The following SDK2 variants were observed in gnomAD, a reference collection of about 807,000 sequenced individuals.
The protein encoded by SDK2 is sidekick cell adhesion molecule 2.
SDK2 carries 105 observed loss-of-function variants against 253.9 expected under a neutral mutation model. The observed-to-expected ratio is 0.41, with a 90% CI of 0.35 to 0.49. The LOEUF (loss-of-function observed/expected upper bound fraction) is 0.49. Among genes scored for constraint, SDK2 ranks in the 20% least tolerant of loss-of-function variants. The probability of loss-of-function intolerance (pLI) is 0.06; values close to 1 mark genes in which losing one functional copy is unlikely to be tolerated. For missense variants in SDK2, 2,608 were observed against 3,003.0 expected (o/e 0.87, Z 3.07); for synonymous variants, 1,249 against 1,234.9 (o/e 1.01, Z -0.24).
Position 73,395,180 on chromosome 17 carries a change from C to A in SDK2, c.3567G>T (p.Thr1189=), listed in dbSNP as rs375688906. The change falls in exon 25 of 45, where the codon ACG becomes ACT. Residue 1189 remains threonine, a synonymous_variant. Coordinates refer to ENST00000392650, the MANE Select transcript of SDK2 (RefSeq NM_001144952.2). This position sits in a 1 kb window ranked among gnomAD's most constrained non-coding sequence, Gnocchi z 4.3. ...CTGACTCCCGGGTCCTGCCCACCAC[C>A]GTCTGGCTCCAGGGCCCGCTCCCGA... The part of the protein sequence containing the change: ...NAIGSGPWSQ[T]VVGRTRESVP... 3.7e-6 allele frequency: 6 copies of A among 1,603,364 alleles called. No individual in the cohort carries two copies. Among genetic ancestry groups the A allele is most frequent in the Non-Finnish European group, 5.1e-6 (6 of 1,175,974 alleles).
At chr17:73,545,145 A>G (rs2044939971) in intron 1 of SDK2, among the ~76,000 whole-genome samples, 1 of 150,228 alleles carries the variant, frequency 6.7e-6, no homozygotes, top group Admixed American at 6.6e-5. Flanking sequence ...GGCTCAAGGA[A>G]GAAGGCCACC....
chr17:73,601,776 CTT>C (rs999551891), intron 1 of SDK2, among the ~76,000 whole-genome samples: 3 of 151,852 alleles, frequency 2.0e-5, no homozygotes, highest in African/African-American at 4.8e-5. Flanking sequence ...CAGAGTCCTG[CTT>C]TTTCGCCCAG....
intron 44 of SDK2, among the ~76,000 whole-genome samples, chr17:73,341,761 G>A (rs927525676): frequency 6.6e-6 from 1 of 152,134 alleles, no homozygotes; most frequent in Non-Finnish European, 1.5e-5. Context: ...GATACATCTC[G>A]AGGGATGTAG....
rs1335442338 is a variant in SDK2 at position 73,419,730 on chromosome 17, C to CAAAAAA, written c.2046-430_2046-425dup. ...ACCAAAAAAAACAACAAAAAAAACC[C>CAAAAAA]AAAAAAACTCCCTCCTGGTGACTTG... On this transcript the variant is annotated intron_variant, in intron 15 of 44. Coordinates refer to ENST00000392650, the MANE Select transcript of SDK2 (RefSeq NM_001144952.2). 3.1e-4 allele frequency among the ~76,000 whole-genome samples: 8 copies of CAAAAAA among 25,944 alleles called. 1 individual carries two copies. Among genetic ancestry groups the CAAAAAA allele is most frequent in the Non-Finnish European group, 4.3e-4 (4 of 9,272 alleles). The allele number at this position is 25,944 out of a possible 152,430, so 17.0% of individuals were successfully genotyped here. A position where few individuals can be genotyped will look rare whatever the true frequency, so the allele number is the denominator to read the frequency against.
chr17:73,370,538 C>T (rs939129169), intron 36 of SDK2, among the ~76,000 whole-genome samples: 6 of 150,372 alleles, frequency 4.0e-5, no homozygotes, highest in Admixed American at 3.3e-4. Context: ...CCACTGTGCC[C>T]GGCCCTCTCT....
At position 73,541,772 on chromosome 17, in the gene SDK2, A is replaced by T. The variant is rs1279583393; in HGVS notation, c.65-34175T>A. ...CAGGAATGTGCAGACGTTGAATTAA[A>T]AGCAGCTTGGCACAAACAGAATCCG... On this transcript the variant is annotated intron_variant, in intron 1 of 44. Transcript: ENST00000392650. The surrounding 1 kb of genome is among the most constrained non-coding windows in gnomAD (Gnocchi z 4.3). Among the ~76,000 whole-genome samples the T allele has an allele frequency of 6.6e-6, 1 of 152,232 alleles. No homozygotes were observed. Among genetic ancestry groups the T allele is most frequent in the Non-Finnish European group, 1.5e-5 (1 of 68,042 alleles).
intron 3 of SDK2, 69 bp from the exon 4 acceptor site, chr17:73,456,122 G>A (rs1391966090): frequency 2.1e-6 from 3 of 1,410,582 alleles, no homozygotes; most frequent in East Asian, 2.7e-5. Flanking sequence ...CAGCTCCCAG[G>A]TTGGGAGTGG....
rs79592417 is a variant in SDK2, at chr17:73,626,545, A to G, written c.64+17480T>C. Among the ~76,000 whole-genome samples, 1,321 of 152,330 alleles carry G rather than the reference A, an allele frequency of 8.7e-3. 20 individuals carry two copies. Among genetic ancestry groups the G allele is most frequent in the African/African-American group, 0.03 (1,258 of 41,590 alleles). On this transcript the variant is annotated intron_variant, in intron 1 of 44. Coordinates refer to ENST00000392650, the MANE Select transcript of SDK2 (RefSeq NM_001144952.2). ...TGGCCTGCAAGTTCCAGCTCAGACA[A>G]GAGGCCTCCCTCCAGCTCCCCATCC...
At chr17:73,582,958 T>G (rs1341566760) in intron 1 of SDK2, among the ~76,000 whole-genome samples, 1 of 152,168 alleles carries the variant, frequency 6.6e-6, no homozygotes, top group Non-Finnish European at 1.5e-5. Flanking sequence ...CCCTCTAACG[T>G]GGCAAGTGCC....
At position 73,358,072 on chromosome 17, in the gene SDK2, G is replaced by A. The variant is rs200499035; in HGVS notation, c.5593+7C>T. 47 of 1,613,146 alleles carry A rather than the reference G, an allele frequency of 2.9e-5. 1 individual carries two copies. The African/African-American group carries it at 5.5e-4, about 19-fold the overall frequency. ...GTGGGGTCTCAGCCCAGCAGGGCGGGGCGCACCTGAAGGTCTGGCCTCGAT... is the reference window on the plus strand; with the variant it reads ...GTGGGGTCTCAGCCCAGCAGGGCGGAGCGCACCTGAAGGTCTGGCCTCGAT... On this transcript the variant is annotated splice_region_variant and intron_variant, in intron 40 of 44. Transcript: ENST00000392650.
At chr17:73,605,219 G>A (rs1309673028) in intron 1 of SDK2, among the ~76,000 whole-genome samples, 1 of 152,098 alleles carries the variant, frequency 6.6e-6, no homozygotes, top group African/African-American at 2.4e-5. Context: ...GTTGAGTGAA[G>A]GAAAGATGTA....
intron 12 of SDK2, among the ~76,000 whole-genome samples, chr17:73,428,996 G>A (rs940927391): frequency 6.6e-6 from 1 of 152,200 alleles, no homozygotes; most frequent in Non-Finnish European, 1.5e-5. Context: ...GAGTGGGTCT[G>A]CAGGTTACTT....
chr17:73,544,987 T>C (rs1599666097), intron 1 of SDK2, among the ~76,000 whole-genome samples: 1 of 147,350 alleles, frequency 6.8e-6, no homozygotes, highest in Non-Finnish European at 1.5e-5. Context: ...CAAGGCTCTT[T>C]CTTCCTTGGG....
chr17:73,552,750 G>C (rs1022486717), intron 1 of SDK2, among the ~76,000 whole-genome samples: 3 of 152,208 alleles, frequency 2.0e-5, no homozygotes, highest in African/African-American at 7.2e-5. Flanking sequence ...AATGGACCCC[G>C]CTGTAGGCTG....
chr17:73,585,674 G>T (rs552816178), intron 1 of SDK2, among the ~76,000 whole-genome samples: 1 of 152,228 alleles, frequency 6.6e-6, no homozygotes, highest in East Asian at 1.9e-4. Flanking sequence ...CCTACACTCA[G>T]AAGCCACACA....
intron 37 of SDK2, among the ~76,000 whole-genome samples, chr17:73,367,328 C>T (rs2062693867): frequency 6.6e-6 from 1 of 151,838 alleles, no homozygotes; most frequent in Admixed American, 6.6e-5. Flanking sequence ...TATAATTAAT[C>T]CCAATCCCAA....
intron 1 of SDK2, among the ~76,000 whole-genome samples, chr17:73,580,125 C>T (rs1029304198): frequency 3.3e-5 from 5 of 152,300 alleles, no homozygotes; most frequent in African/African-American, 7.2e-5. Flanking sequence ...CTTCCAGCCT[C>T]CAGGACTGCG....
chr17:73,643,961 G>GCCCC lies in SDK2; in HGVS notation c.64+63_64+64insGGGG. 2 of 514,828 alleles carry GCCCC rather than the reference G, an allele frequency of 3.9e-6. No individual in the cohort carries two copies. The highest frequency in any genetic ancestry group is 1.6e-5 in the South Asian group (1 of 62,608). 31.9% of individuals were successfully genotyped at this position (514,828 alleles called of 1,614,324 possible). A position where few individuals can be genotyped will look rare whatever the true frequency, so the allele number is the denominator to read the frequency against. ...GTCACCGTGAGGCCGGCCAGCTCCC[G>GCCCC]CCGCCCCTCCCCCGCCCACTCTCCC... is the stretch of plus-strand genomic sequence containing the variant. On this transcript the variant is annotated intron_variant, in intron 1 of 44. Coordinates refer to ENST00000392650, the MANE Select transcript of SDK2 (RefSeq NM_001144952.2). This position sits in a 1 kb window ranked among gnomAD's most constrained non-coding sequence, Gnocchi z 6.9.
intron 3 of SDK2, among the ~76,000 whole-genome samples, chr17:73,462,459 CAT>C (rs1567786973): frequency 1.3e-5 from 2 of 151,822 alleles, no homozygotes; most frequent in East Asian, 1.9e-4. Flanking sequence ...TACACACACA[CAT>C]ACATGTTTAT....
Sources: allele counts gnomAD v4.1 joint callset (sites outside exome capture counted in the v4.1 genomes callset), GRCh38; gene constraint gnomAD v4.1.1; non-coding constraint Gnocchi (gnomAD v3.1); transcripts MANE v1.5; gene names NCBI Gene and HGNC (gene_info 2026-07-23, HGNC 2026-07-21).